The following PKNOX2 variants were observed in gnomAD, a reference collection of about 807,000 sequenced individuals.
The protein encoded by PKNOX2 is homeobox protein PKNOX2.
PKNOX2 carries 14 observed loss-of-function variants against 53.1 expected under a neutral mutation model. The ratio of observed to expected loss-of-function variants is 0.26; its 90% confidence interval spans 0.17 to 0.41. PKNOX2 has a LOEUF of 0.41. Among genes scored for constraint, PKNOX2 ranks in the 10% least tolerant of loss-of-function variants. The pLI is 1.00. For synonymous variants in PKNOX2, 257 were observed against 242.8 expected, an observed-to-expected ratio of 1.06 and a Z score of -0.54; for missense variants, 496 against 602.8, an observed-to-expected ratio of 0.82 and a Z score of 1.85.
At chr11:125,281,784 A>C (rs1008325401) in intron 2 of PKNOX2, among the ~76,000 whole-genome samples, 3 of 152,240 alleles carry the variant, frequency 2.0e-5, no homozygotes, top group African/African-American at 7.2e-5. Context: ...CTAATCCCCT[A>C]ATACAATCAC....
At chr11:125,323,954 T>C (rs1482594729) in intron 2 of PKNOX2, among the ~76,000 whole-genome samples, 2 of 152,146 alleles carry the variant, frequency 1.3e-5, no homozygotes, top group Non-Finnish European at 2.9e-5. Flanking sequence ...CCTGCATAAA[T>C]TACTCCATGT....
chr11:125,349,998 G>T (rs1299607054), intron 3 of PKNOX2, among the ~76,000 whole-genome samples: 2 of 152,134 alleles, frequency 1.3e-5, no homozygotes, highest in Non-Finnish European at 2.9e-5. Context: ...AGAGGATGAA[G>T]CCCTAGGTGC....
At chr11:125,209,756 G>C (rs1207295857) in intron 1 of PKNOX2, among the ~76,000 whole-genome samples, 8 of 151,958 alleles carry the variant, frequency 5.3e-5, no homozygotes. Flanking sequence ...AACAAATAAA[G>C]AGGCAAAAGG....
At chr11:125,355,869 G>A (rs1591540059) in intron 4 of PKNOX2, among the ~76,000 whole-genome samples, 1 of 151,930 alleles carries the variant, frequency 6.6e-6, no homozygotes, top group African/African-American at 2.4e-5. Context: ...AATGTCACTC[G>A]AGACCTTCCT....
intron 2 of PKNOX2, among the ~76,000 whole-genome samples, chr11:125,247,955 A>G (rs1258984263): frequency 6.6e-6 from 1 of 152,078 alleles, no homozygotes; most frequent in Non-Finnish European, 1.5e-5. Flanking sequence ...AAGATCCTTC[A>G]GGGGAAAGCA....
intron 1 of PKNOX2, among the ~76,000 whole-genome samples, chr11:125,167,695 T>C (rs759015359): frequency 1.5e-4 from 23 of 152,214 alleles, no homozygotes; most frequent in Non-Finnish European, 2.4e-4. Context: ...GCTCTCTGCT[T>C]TTAAGTCTAT....
At chr11:125,175,273 C>T (rs1287395075) in intron 1 of PKNOX2, among the ~76,000 whole-genome samples, 3 of 149,282 alleles carry the variant, frequency 2.0e-5, no homozygotes, top group Non-Finnish European at 4.5e-5. Flanking sequence ...GGAGGGAGAG[C>T]TTCAATCCCA....
intron 1 of PKNOX2, among the ~76,000 whole-genome samples, chr11:125,187,217 A>G (rs759272275): frequency 3.3e-5 from 5 of 151,854 alleles, no homozygotes; most frequent in Non-Finnish European, 7.4e-5. Flanking sequence ...TTCCATTTGA[A>G]GTTGAGATTA....
At chr11:125,205,971 C>G (rs917895693) in intron 1 of PKNOX2, among the ~76,000 whole-genome samples, 1 of 152,040 alleles carries the variant, frequency 6.6e-6, no homozygotes, top group African/African-American at 2.4e-5. Flanking sequence ...GGCACAGATT[C>G]TATGTGCTAA....
intron 5 of PKNOX2, among the ~76,000 whole-genome samples, chr11:125,369,847 G>A (rs1952429878): frequency 6.6e-6 from 1 of 152,182 alleles, no homozygotes; most frequent in Non-Finnish European, 1.5e-5. Flanking sequence ...CCGACAGCCT[G>A]ATGACATATG....
At position 125,432,969 on chromosome 11, in the gene PKNOX2, A is replaced by C. The variant is rs1956769145; in HGVS notation, c.*1577A>C. 6.6e-6 allele frequency: 1 copy of C among 152,610 alleles called. No individual in the cohort carries two copies. The highest frequency in any genetic ancestry group is 1.5e-5 in the Non-Finnish European group (1 of 68,044). The allele number at this position is 152,610 out of a possible 1,614,324, so 9.5% of individuals were successfully genotyped here. On this transcript the variant is annotated 3_prime_UTR_variant, in exon 13 of 13. Coordinates refer to ENST00000298282, the MANE Select transcript of PKNOX2 (RefSeq NM_001382323.2). ...CTCTTCCGAGGTCTCCCTGAAATGA[A>C]TGTATTTCTCCCCCAAAAGAGCTGA...
intron 5 of PKNOX2, among the ~76,000 whole-genome samples, chr11:125,368,778 G>A (rs867246690): frequency 1.7e-4 from 26 of 152,320 alleles, no homozygotes; most frequent in African/African-American, 6.0e-4. Context: ...CTTGTACATA[G>A]TTGGGGAGGA....
At chr11:125,380,819 C>A (rs1487535505) in intron 5 of PKNOX2, among the ~76,000 whole-genome samples, 1 of 152,224 alleles carries the variant, frequency 6.6e-6, no homozygotes, top group African/African-American at 2.4e-5. Flanking sequence ...GGTAGACCCC[C>A]AAGCCTGCAG....
At chr11:125,426,972 C>T (rs762191425) in intron 10 of PKNOX2, among the ~76,000 whole-genome samples, 36 of 152,232 alleles carry the variant, frequency 2.4e-4, no homozygotes, top group Non-Finnish European at 1.5e-4. Flanking sequence ...GGAGGAAGCG[C>T]GCTCCAGAGG....
At position 125,412,073 on chromosome 11, in the gene PKNOX2, C is replaced by T. The variant is rs141934231; in HGVS notation, c.936+208C>T. The stretch of plus-strand genomic sequence containing the variant: ...TGGAGACCTTCTCCAGTACCTGCTG[C>T]TGTTGCTATCTGGAAAAAATGTGGC... On this transcript the variant is annotated intron_variant, in intron 10 of 12. Coordinates refer to ENST00000298282, the MANE Select transcript of PKNOX2 (RefSeq NM_001382323.2). 6.8e-3 allele frequency among the ~76,000 whole-genome samples: 1,040 copies of T among 152,318 alleles called. 4 individuals carry two copies. Among genetic ancestry groups the T allele is most frequent in the Non-Finnish European group, 0.011 (725 of 68,028 alleles).
intron 2 of PKNOX2, 137 bp downstream of exon 2, chr11:125,235,252 A>G (rs757583650): frequency 6.5e-6 from 1 of 152,690 alleles, no homozygotes; most frequent in Admixed American, 6.5e-5. Flanking sequence ...AATGTAATAT[A>G]CAGTGGAGCT....
chr11:125,368,879 C>T (rs1458717345), intron 5 of PKNOX2, among the ~76,000 whole-genome samples: 2 of 152,212 alleles, frequency 1.3e-5, no homozygotes, highest in African/African-American at 4.8e-5. Flanking sequence ...CAAGTCTGCA[C>T]TCAGTATTGA....
rs1956705491 is a variant in PKNOX2, at chr11:125,431,551, T to C, written c.*159T>C. 1 of 829,738 alleles carries C rather than the reference T, an allele frequency of 1.2e-6. No homozygotes were observed. Among genetic ancestry groups the C allele is most frequent in the Non-Finnish European group, 1.8e-6 (1 of 546,786 alleles). 51.4% of individuals were successfully genotyped at this position (829,738 alleles called of 1,614,324 possible). ...TGAAGAAAGGCAAAGGAGACACCTG[T>C]TCCTTCCCAACCACCGAGCTTCAAT... On this transcript the variant is annotated 3_prime_UTR_variant, in exon 13 of 13. Transcript: ENST00000298282.
chr11:125,313,298 G>T (rs187025768), intron 2 of PKNOX2, among the ~76,000 whole-genome samples: 135 of 152,266 alleles, frequency 8.9e-4, no homozygotes, highest in Non-Finnish European at 2.2e-4. Flanking sequence ...GTCCCTAATG[G>T]GGCCTGGTGA....
Sources: gnomAD v4.1 joint callset for allele counts (sites outside exome capture counted in the v4.1 genomes callset) on GRCh38, gnomAD v4.1.1 for gene constraint, MANE v1.5 for transcripts, NCBI Gene and HGNC (gene_info 2026-07-23, HGNC 2026-07-21) for gene names.